FSHR: variants seen among roughly 807,000 people sequenced by gnomAD.
FSHR encodes follicle-stimulating hormone receptor.
Under a neutral mutation model 52.1 loss-of-function variants are expected in FSHR, and 46 were observed. That is an observed-to-expected ratio of 0.88 (90% confidence interval 0.70 to 1.13). The LOEUF (loss-of-function observed/expected upper bound fraction) is 1.13. Ranked by LOEUF, FSHR falls within the 50% of genes most tolerant of loss-of-function variation. FSHR has a pLI of 0.00. For synonymous variants in FSHR, 399 were observed against 309.6 expected, an observed-to-expected ratio of 1.29 and a Z score of -3.03; for missense variants, 964 against 834.6, an observed-to-expected ratio of 1.16 and a Z score of -1.91.
At chr2:49,133,193 G>A (rs922380930) in intron 1 of FSHR, among the ~76,000 whole-genome samples, 2 of 152,050 alleles carry the variant, frequency 1.3e-5, no homozygotes, top group African/African-American at 4.8e-5. Flanking sequence ...CGTTGCTGAG[G>A]CTAAGTCCTG....
chr2:48,973,312 T>G (rs1674830113), intron 8 of FSHR, among the ~76,000 whole-genome samples: 1 of 151,456 alleles, frequency 6.6e-6, no homozygotes, highest in South Asian at 2.1e-4. Context: ...ACACACCCAA[T>G]AAACACAGAT....
At position 49,154,383 on chromosome 2, in the gene FSHR, A is replaced by G. The variant is rs762758659; in HGVS notation, c.35T>C (p.Leu12Pro). 27 of 1,613,084 alleles carry G rather than the reference A, an allele frequency of 1.7e-5. No homozygotes were observed. Among genetic ancestry groups the G allele is most frequent in the Non-Finnish European group, 2.2e-5 (26 of 1,179,924 alleles). The change falls in exon 1 of 10, where the codon CTG becomes CCG. Residue 12 changes from leucine to proline, a missense_variant. By Grantham distance (98) the Leu-to-Pro change is moderately conservative. Transcript: ENST00000406846. ...ATGATGACATCCTGAGCCCAAGCTC[A>G]GGAATGCCAGCAAAGAGACCAGGAG... ...ALLLVSLLAF[L>P]SLGSGCHHRI... is the part of the protein sequence containing the mutation.
chr2:49,083,821 A>C (rs1670267823), intron 1 of FSHR, among the ~76,000 whole-genome samples: 1 of 145,496 alleles, frequency 6.9e-6, no homozygotes, highest in South Asian at 2.3e-4. Context: ...TGCACCCAAT[A>C]CAGGAGCACC....
chr2:48,974,989 G>T (rs1039383420), intron 8 of FSHR, among the ~76,000 whole-genome samples: 1 of 152,046 alleles, frequency 6.6e-6, no homozygotes, highest in African/African-American at 2.4e-5. Flanking sequence ...CATGGGCGTG[G>T]GTGGGGGGTA....
intron 8 of FSHR, among the ~76,000 whole-genome samples, chr2:48,980,994 C>A (rs561878614): frequency 1.2e-4 from 18 of 152,320 alleles, no homozygotes; most frequent in African/African-American, 4.3e-4. Flanking sequence ...TAGGAACATT[C>A]AAAACTTTCA....
At chr2:49,090,309 C>A (rs917571212) in intron 1 of FSHR, among the ~76,000 whole-genome samples, 1 of 152,110 alleles carries the variant, frequency 6.6e-6, no homozygotes, top group South Asian at 2.1e-4. Flanking sequence ...TAGTAATGAC[C>A]AATCTGTTCT....
chr2:48,964,726 A>C (rs1198515467), intron 9 of FSHR, among the ~76,000 whole-genome samples: 1 of 152,184 alleles, frequency 6.6e-6, no homozygotes, highest in Non-Finnish European at 1.5e-5. Context: ...TGGGCAGCCT[A>C]GCTCTCCTTG....
intron 5 of FSHR, among the ~76,000 whole-genome samples, chr2:48,989,785 A>G (rs146844300): frequency 2.6e-5 from 4 of 152,176 alleles, no homozygotes; most frequent in Non-Finnish European, 5.9e-5. Context: ...CTTTTCCTGA[A>G]TGAAAGGATG....
intron 4 of FSHR, among the ~76,000 whole-genome samples, chr2:49,002,347 G>A (rs997515856): frequency 2.6e-5 from 4 of 152,022 alleles, no homozygotes; most frequent in Non-Finnish European, 4.4e-5. Context: ...CTTTTGTTAA[G>A]AAATGAGGCA....
At position 48,968,869 on chromosome 2, in the gene FSHR, G is replaced by C. The variant is rs776897994; in HGVS notation, c.683C>G (p.Thr228Arg). The change falls in exon 9 of 10, where the codon ACA (threonine) becomes AGA (arginine). Residue 228 changes from threonine to arginine, a missense_variant. By Grantham distance (71) the Thr-to-Arg change is moderately conservative. Transcript: ENST00000406846. ...SGPVILDISR[T>R]RIHSLPSYGL... The stretch of plus-strand genomic sequence containing the variant: ...ATAGCTAGGCAGGGAATGGATCCTT[G>C]TTCTTGAAATATCTCTATAAAGAGA... 1.9e-6 allele frequency: 3 copies of C among 1,613,426 alleles called. No individual in the cohort carries two copies. Among genetic ancestry groups the C allele is most frequent in the Non-Finnish European group, 2.5e-6 (3 of 1,179,848 alleles).
intron 1 of FSHR, among the ~76,000 whole-genome samples, chr2:49,131,532 G>A (rs556007258): frequency 3.0e-4 from 45 of 152,208 alleles, no homozygotes; most frequent in Non-Finnish European, 4.7e-4. Context: ...TTGAGAAGCC[G>A]TTTATTTTAC....
intron 1 of FSHR, among the ~76,000 whole-genome samples, chr2:49,115,666 A>G (rs1012844145): frequency 1.4e-4 from 21 of 152,100 alleles, no homozygotes; most frequent in African/African-American, 4.6e-4. Flanking sequence ...GTATCATGAC[A>G]AGGGTAAAGA....
Position 49,008,812 on chromosome 2 carries a change from G to A in FSHR, c.374+8677C>T, listed in dbSNP as rs544778456. ...GCATTTTTTCATGTGTTTTTTGGCT[G>A]CATAAATGTCTTCTTTTGAGAAGTG... On this transcript the variant is annotated intron_variant, in intron 4 of 9. Transcript: ENST00000406846. 1.6e-3 allele frequency among the ~76,000 whole-genome samples: 229 copies of A among 147,120 alleles called. 2 individuals are homozygous for A. In the South Asian group the frequency reaches 0.017, roughly 11 times the overall value.
At chr2:49,033,522 C>A (rs1668175184) in intron 2 of FSHR, among the ~76,000 whole-genome samples, 1 of 152,118 alleles carries the variant, frequency 6.6e-6, no homozygotes, top group Non-Finnish European at 1.5e-5. Context: ...CGCAGGAGGG[C>A]TGTTTTCAGC....
chr2:48,982,995 G>C lies in FSHR; in HGVS notation c.594-9C>G. ...TATTATCGCTTAGATTCCTGGGGAT[G>C]GGGTTGAGGAAAGAAGAAGGAAAAC... On this transcript the variant is annotated splice_polypyrimidine_tract_variant and intron_variant, in intron 7 of 9. Coordinates refer to ENST00000406846, the MANE Select transcript of FSHR (RefSeq NM_000145.4). 6.2e-7 allele frequency: 1 copy of C among 1,613,348 alleles called. No homozygotes were observed. Among genetic ancestry groups the C allele is most frequent in the Non-Finnish European group, 8.5e-7 (1 of 1,179,258 alleles).
At chr2:48,979,040 C>G (rs911174456) in intron 8 of FSHR, among the ~76,000 whole-genome samples, 7 of 152,064 alleles carry the variant, frequency 4.6e-5, no homozygotes, top group Non-Finnish European at 1.0e-4. Context: ...AATATTGGTC[C>G]TAGGGCAGTA....
At chr2:49,008,074 T>C (rs1667131518) in intron 4 of FSHR, among the ~76,000 whole-genome samples, 1 of 151,186 alleles carries the variant, frequency 6.6e-6, no homozygotes, top group East Asian at 1.9e-4. Flanking sequence ...ATGTGCACAT[T>C]GTGCAGGTTA....
intron 1 of FSHR, among the ~76,000 whole-genome samples, chr2:49,078,170 C>T (rs1670023836): frequency 1.3e-5 from 2 of 152,190 alleles, no homozygotes. Flanking sequence ...ACTTACAGTT[C>T]CATGTGGCTG....
intron 1 of FSHR, among the ~76,000 whole-genome samples, chr2:49,069,154 A>T (rs1669632403): frequency 6.6e-6 from 1 of 152,144 alleles, no homozygotes; most frequent in Non-Finnish European, 1.5e-5. Context: ...TCAGTGCCCT[A>T]CAAGAGCTTT....
Sources: gnomAD v4.1 joint callset for allele counts (sites outside exome capture counted in the v4.1 genomes callset) on GRCh38, gnomAD v4.1.1 for gene constraint, MANE v1.5 for transcripts, NCBI Gene and HGNC (gene_info 2026-07-23, HGNC 2026-07-21) for gene names.